Variants in FAM117A observed in about 807,000 individuals in gnomAD.
FAM117A encodes the protein family with sequence similarity 117 member A, also known as protein FAM117A.
A neutral mutation model predicts 44.1 loss-of-function variants in FAM117A; 21 were observed. That is an observed-to-expected ratio of 0.48 (90% CI 0.34 to 0.69). The LOEUF is 0.69. Ranked by LOEUF, FAM117A falls within the 30% of genes least tolerant of loss-of-function variation. The pLI is 0.01. For missense variants in FAM117A, 498 were observed against 589.9 expected (o/e 0.84, Z 1.61); for synonymous variants, 220 against 238.3 (o/e 0.92, Z 0.71).
upstream of FAM117A, among the ~76,000 whole-genome samples, chr17:49,768,199 T>C (rs1187671415): frequency 6.6e-6 from 1 of 152,182 alleles, no homozygotes; most frequent in African/African-American, 2.4e-5. Context: ...TGGGGACTTC[T>C]GGCAGATCAG....
chr17:49,744,828 A>G (rs1365166107), intron 1 of FAM117A, among the ~76,000 whole-genome samples: 1 of 151,342 alleles, frequency 6.6e-6, no homozygotes, highest in Non-Finnish European at 1.5e-5. Flanking sequence ...AGCCTGTGCA[A>G]TATAAAGAGA....
chr17:49,754,872 C>T (rs1337368598), intron 1 of FAM117A, among the ~76,000 whole-genome samples: 1 of 151,706 alleles, frequency 6.6e-6, no homozygotes, highest in Non-Finnish European at 1.5e-5. Context: ...AACCCCATCT[C>T]TACTAAAAAT....
rs1555598077 is a variant in FAM117A at position 49,758,674 on chromosome 17, T to TAAATA, written c.196+5213_196+5217dup. ...ATAAATAAATAAATAAATAAATAAA[T>TAAATA]AAATAAAATAAAAGGGCTCCAAACT... On this transcript the variant is annotated intron_variant, in intron 1 of 7. Coordinates refer to ENST00000240364, the MANE Select transcript of FAM117A (RefSeq NM_030802.4). 2.2e-5 allele frequency among the ~76,000 whole-genome samples: 3 copies of TAAATA among 138,470 alleles called. No homozygotes were observed. In the Admixed American group the frequency reaches 2.2e-4, roughly 10 times the overall value. 90.8% of individuals were successfully genotyped at this position (138,470 alleles called of 152,430 possible).
chr17:49,751,993 C>T (rs944309087), intron 1 of FAM117A, among the ~76,000 whole-genome samples: 3 of 149,984 alleles, frequency 2.0e-5, no homozygotes, highest in Admixed American at 1.3e-4. Flanking sequence ...CAATGGCTCA[C>T]GCCTGCAATC....
chr17:49,711,147 GA>G lies in FAM117A; in HGVS notation c.*107del. The G allele has an allele frequency of 8.8e-7, 1 of 1,131,150 alleles. No individual in the cohort carries two copies. 70.1% of individuals were successfully genotyped at this position (1,131,150 alleles called of 1,614,324 possible). A position where few individuals can be genotyped will look rare whatever the true frequency, so the allele number is the denominator to read the frequency against. ...ACACAGTAAGTGAAAGAAAGTGCTCGAAGGCCGAGAGGGAAGGGCCCCTCCA... is the reference window on the plus strand; with the variant it reads ...ACACAGTAAGTGAAAGAAAGTGCTCGAGGCCGAGAGGGAAGGGCCCCTCCA... On this transcript the variant is annotated 3_prime_UTR_variant, in exon 8 of 8. Coordinates refer to ENST00000240364, the MANE Select transcript of FAM117A (RefSeq NM_030802.4).
intron 1 of FAM117A, among the ~76,000 whole-genome samples, chr17:49,751,959 A>T (rs1233293486): frequency 6.7e-6 from 1 of 150,260 alleles, no homozygotes; most frequent in Non-Finnish European, 1.5e-5. Flanking sequence ...AAAAAAAAAA[A>T]AAAAAAGACT....
intron 7 of FAM117A, among the ~76,000 whole-genome samples, chr17:49,715,807 TCTCTCG>T (rs891165287): frequency 3.9e-5 from 6 of 152,010 alleles, no homozygotes; most frequent in African/African-American, 9.7e-5. Context: ...ACACCCCCCA[TCTCTCG>T]CTCTCGCTCT....
intron 1 of FAM117A, among the ~76,000 whole-genome samples, chr17:49,777,762 A>C (rs2073779151): frequency 6.6e-6 from 1 of 152,196 alleles, no homozygotes; most frequent in Non-Finnish European, 1.5e-5. Flanking sequence ...CTGTGGGCTC[A>C]GGAATACCAG....
At chr17:49,714,431 G>A (rs2073492725) in intron 7 of FAM117A, among the ~76,000 whole-genome samples, 1 of 150,752 alleles carries the variant, frequency 6.6e-6, no homozygotes, top group Non-Finnish European at 1.5e-5. Flanking sequence ...TCCACCTCCT[G>A]GGTTCAAGCA....
Position 49,764,079 on chromosome 17 carries a change from C to T in FAM117A, c.9G>A (p.Gly3=). Residue 3 remains glycine (G), a synonymous_variant, in exon 1 of 8, where the codon GGG becomes GGA. Transcript: ENST00000240364. The stretch of plus-strand genomic sequence containing the variant: ...CTCCGCCTCTGCCGCCCGCTGCGGC[C>T]CCCGCCATGGCTCTCCCGGCTGCCT... MA[G]AAAGGRGGGA... is the part of the protein sequence containing the mutation. 1.6e-6 allele frequency: 2 copies of T among 1,267,010 alleles called. No homozygotes were observed. The highest frequency in any genetic ancestry group is 1.0e-6 in the Non-Finnish European group (1 of 1,002,936). 78.5% of individuals were successfully genotyped at this position (1,267,010 alleles called of 1,614,324 possible).
chr17:49,712,696 G>T (rs1374260837), intron 7 of FAM117A, among the ~76,000 whole-genome samples: 1 of 151,974 alleles, frequency 6.6e-6, no homozygotes. Context: ...CTTTTATTTT[G>T]TAGAGAAGGG....
rs774503394 is a variant in FAM117A, at chr17:49,764,057, C to T, written c.31G>A (p.Gly11Arg). ...CCGCGCCCCGGCCCCCAGGCACCTC[C>T]GCCTCTGCCGCCCGCTGCGGCCCCC... The part of the protein sequence containing the change: MAGAAAGGRG[G>R]GAWGPGRGGA... The change falls in exon 1 of 8, where the codon GGA becomes AGA. Residue 11 changes from glycine (G) to arginine (R), a missense_variant. Coordinates refer to ENST00000240364, the MANE Select transcript of FAM117A (RefSeq NM_030802.4). 10 of 1,247,486 alleles carry T rather than the reference C, an allele frequency of 8.0e-6. No homozygotes were observed. 77.3% of individuals were successfully genotyped at this position (1,247,486 alleles called of 1,614,324 possible).
intron 1 of FAM117A, among the ~76,000 whole-genome samples, chr17:49,740,547 C>A (rs1002094732): frequency 6.6e-6 from 1 of 152,208 alleles, no homozygotes; most frequent in Non-Finnish European, 1.5e-5. Context: ...CTGCACCCAG[C>A]CTGGTAAGCA....
intron 1 of FAM117A, among the ~76,000 whole-genome samples, chr17:49,748,048 C>T (rs1459214612): frequency 3.3e-5 from 5 of 152,138 alleles, no homozygotes; most frequent in Non-Finnish European, 7.3e-5. Flanking sequence ...CTTATGAGGT[C>T]GCCTCTCCTG....
intron 1 of FAM117A, among the ~76,000 whole-genome samples, chr17:49,788,326 G>A (rs1220066771): frequency 6.6e-6 from 1 of 152,024 alleles, no homozygotes; most frequent in Non-Finnish European, 1.5e-5. Context: ...GGCTACGAAG[G>A]GGTTAAATCT....
rs150270804 is a variant in FAM117A, at chr17:49,752,426, C to T, written c.196+11466G>A. 2.2e-3 allele frequency among the ~76,000 whole-genome samples: 342 copies of T among 152,300 alleles called. 1 individual carries two copies. Among genetic ancestry groups the T allele is most frequent in the Middle Eastern group, 6.8e-3 (2 of 294 alleles). On this transcript the variant is annotated intron_variant, in intron 1 of 7. Coordinates refer to ENST00000240364, the MANE Select transcript of FAM117A (RefSeq NM_030802.4). Reference sequence around the variant, plus strand: ...GGGGTCCCTTACAGAGAGGACTAAGCTATTATGGCACAATGCCACTTGCAT... The same window carrying T: ...GGGGTCCCTTACAGAGAGGACTAAGTTATTATGGCACAATGCCACTTGCAT...
intron 5 of FAM117A, chr17:49,719,502 G>A: frequency 2.9e-6 from 1 of 348,186 alleles, no homozygotes; most frequent in Non-Finnish European, 5.1e-6. Context: ...GTTCCTCCCA[G>A]CGGGGGGGCC....
At chr17:49,720,778 G>A (rs1224198609) in intron 3 of FAM117A, among the ~76,000 whole-genome samples, 2 of 151,950 alleles carry the variant, frequency 1.3e-5, no homozygotes, top group Non-Finnish European at 2.9e-5. Context: ...GGAGTGCAAT[G>A]GTGCGATCTC....
At chr17:49,726,692 C>T (rs537725777) in intron 2 of FAM117A, among the ~76,000 whole-genome samples, 98 of 152,220 alleles carry the variant, frequency 6.4e-4, no homozygotes, top group Non-Finnish European at 1.1e-3. Context: ...AAAAAGCTAA[C>T]CTGGCCAGGT....
Sources: gnomAD v4.1 joint callset for allele counts (sites outside exome capture counted in the v4.1 genomes callset) on GRCh38, gnomAD v4.1.1 for gene constraint, MANE v1.5 for transcripts, NCBI Gene and HGNC (gene_info 2026-07-23, HGNC 2026-07-21) for gene names.